The following RYR1 variants were observed in gnomAD, a reference collection of about 807,000 sequenced individuals.
RYR1 encodes the protein central core disease of muscle.
RYR1 carries 342 observed loss-of-function variants against 583.5 expected under a neutral mutation model. That is an observed-to-expected ratio of 0.59 (90% CI 0.54 to 0.64). The LOEUF (loss-of-function observed/expected upper bound fraction) is 0.64. Among genes scored for constraint, RYR1 ranks in the 30% least tolerant of loss-of-function variants. RYR1 has a pLI of 0.00. For synonymous variants in RYR1, 2,791 were observed against 2,822.5 expected (o/e 0.99, Z 0.35); for missense variants, 6,032 against 6,917.2 (o/e 0.87, Z 4.54).
At position 38,587,511 on chromosome 19, in the gene RYR1, T is replaced by C; in HGVS notation, c.*91T>C. The C allele has an allele frequency of 2.2e-6, 2 of 926,150 alleles. No homozygotes were observed. 57.4% of individuals were successfully genotyped at this position (926,150 alleles called of 1,614,324 possible). ...CCCAAGCCCCTCCCCCTAAGGCAGCTGGGGGAGAGGTGACCTAGTACTGGA... is the reference window on the plus strand; with the variant it reads ...CCCAAGCCCCTCCCCCTAAGGCAGCCGGGGGAGAGGTGACCTAGTACTGGA... On this transcript the variant is annotated 3_prime_UTR_variant, in exon 106 of 106. Transcript: ENST00000359596.
intron 9 of RYR1, 46 bp from the exon 10 acceptor site, chr19:38,448,309 A>G (rs776317375): frequency 1.3e-6 from 2 of 1,589,764 alleles, no homozygotes; most frequent in African/African-American, 2.7e-5. Context: ...TGTCCATGGG[A>G]GAACTGGGGG....
chr19:38,481,500 G>A (rs1489743393), intron 31 of RYR1, among the ~76,000 whole-genome samples: 1 of 152,122 alleles, frequency 6.6e-6, no homozygotes, highest in East Asian at 1.9e-4. Flanking sequence ...TTCATATGTA[G>A]ATTTCCCCCT....
In RYR1 at chr19:38,526,672, ACT is replaced by A; in HGVS notation, c.10627-318_10627-317del. Among the ~76,000 whole-genome samples the A allele has an allele frequency of 3.0e-5, 4 of 135,030 alleles. No homozygotes were observed. In the East Asian group the frequency reaches 8.8e-4, roughly 30 times the overall value. 88.6% of individuals were successfully genotyped at this position (135,030 alleles called of 152,430 possible). On this transcript the variant is annotated intron_variant, in intron 71 of 105. Coordinates refer to ENST00000359596, the MANE Select transcript of RYR1 (RefSeq NM_000540.3). Reference sequence around the variant, plus strand: ...CTGATCTTCAAAGACTCCCTGCCCCACTCTGACCCCCCAGTCATCCCTCTTTG... The same window carrying A: ...CTGATCTTCAAAGACTCCCTGCCCCACTGACCCCCCAGTCATCCCTCTTTG...
Position 38,502,822 on chromosome 19 carries a change from C to CAGGGGCAGGGGGAGGGGG in RYR1, c.7836-50_7836-49insGGGGAGGGGGAGGGGCAG. ...GCAGGGGCAGGGGGAGGAGCAGGGG[C>CAGGGGCAGGGGGAGGGGG]AGGGGCAGCAGAGCGGGCCTGGACG... On this transcript the variant is annotated intron_variant, in intron 48 of 105. Transcript: ENST00000359596. The CAGGGGCAGGGGGAGGGGG allele has an allele frequency of 4.7e-6, 7 of 1,475,070 alleles. 1 individual carries two copies. The South Asian group carries it at 8.8e-5, about 18-fold the overall frequency. The allele number at this position is 1,475,070 out of a possible 1,614,324, so 91.4% of individuals were successfully genotyped here.
Position 38,548,216 on chromosome 19 carries a change from C to T in RYR1, c.12095-17C>T. On this transcript the variant is annotated splice_polypyrimidine_tract_variant and intron_variant, in intron 88 of 105. Coordinates refer to ENST00000359596, the MANE Select transcript of RYR1 (RefSeq NM_000540.3). ...AGGGAGTGTTCACCGGCCACACTGA[C>T]CTGGGGCTGCCTGCAGGGAACGTGG... 1 of 1,613,988 alleles carries T rather than the reference C, an allele frequency of 6.2e-7. No individual in the cohort carries two copies. The highest frequency in any genetic ancestry group is 8.5e-7 in the Non-Finnish European group (1 of 1,179,996).
At position 38,517,366 on chromosome 19, in the gene RYR1, G is replaced by C. The variant is rs1424871562; in HGVS notation, c.9693G>C (p.Gly3231=). 2.5e-6 allele frequency: 4 copies of C among 1,613,478 alleles called. No individual in the cohort carries two copies. The East Asian group carries it at 6.7e-5, about 27-fold the overall frequency. Residue 3231 remains glycine, a synonymous_variant, in exon 66 of 106, where the codon GGG becomes GGC. Coordinates refer to ENST00000359596, the MANE Select transcript of RYR1 (RefSeq NM_000540.3). ...TKSPRERAIL[G]LPNSVEEMCP... ...CCCGTCCCTGTACCCCAGTCCTGGGGCTCCCCAACAGTGTGGAGGAGATGT... is the reference window on the plus strand; with the variant it reads ...CCCGTCCCTGTACCCCAGTCCTGGGCCTCCCCAACAGTGTGGAGGAGATGT...
intron 36 of RYR1, 23 bp downstream of exon 36, chr19:38,490,299 C>A: frequency 6.2e-7 from 1 of 1,605,896 alleles, no homozygotes; most frequent in Non-Finnish European, 8.5e-7. Flanking sequence ...CTGACGCTGG[C>A]CACTTTTACT....
chr19:38,438,475 G>T (rs1296235051), intron 1 of RYR1, among the ~76,000 whole-genome samples: 4 of 150,880 alleles, frequency 2.7e-5, no homozygotes, highest in Non-Finnish European at 5.9e-5. Flanking sequence ...CTGCAGCCTC[G>T]ATTTCCCAGG....
At chr19:38,587,209 C>T (rs1040391210) in intron 105 of RYR1, 116 bp from the exon 106 acceptor site, 15 of 728,554 alleles carry the variant, frequency 2.1e-5, no homozygotes, top group African/African-American at 1.1e-4. Context: ...CTGTGATTGT[C>T]GCCACTGCAC....
At chr19:38,528,270 T>A in intron 73 of RYR1, 36 bp from the exon 74 acceptor site, 6 of 1,529,548 alleles carry the variant, frequency 3.9e-6, no homozygotes, top group Non-Finnish European at 5.3e-6. Context: ...AGGGGCAGGG[T>A]CTGGGGATGT....
intron 73 of RYR1, 176 bp downstream of exon 73, chr19:38,527,960 C>T: frequency 1.5e-6 from 1 of 645,428 alleles, no homozygotes; most frequent in Non-Finnish European, 2.6e-6. Flanking sequence ...GGGTCTGCTG[C>T]TTAATCTTGC....
chr19:38,517,775 G>T, intron 66 of RYR1, 84 bp downstream of exon 66: 1 of 1,366,380 alleles, frequency 7.3e-7, no homozygotes, highest in Non-Finnish European at 1.0e-6. Flanking sequence ...GAGACCCATG[G>T]TCCCCTCGGA....
chr19:38,502,780 CAG>C, intron 48 of RYR1, 53 bp downstream of exon 48: 1 of 666,950 alleles, frequency 1.5e-6, no homozygotes, highest in East Asian at 3.4e-5. Context: ...GGGGCAGGGG[CAG>C]GGGCAGGGGC....
Position 38,446,727 on chromosome 19 carries a change from T to G in RYR1, c.759T>G (p.Thr253=), listed in dbSNP as rs754793726. 4 of 1,613,900 alleles carry G rather than the reference T, an allele frequency of 2.5e-6. No homozygotes were observed. The highest frequency in any genetic ancestry group is 3.4e-6 in the Non-Finnish European group (4 of 1,179,916). The change falls in exon 9 of 106, where the codon ACT becomes ACG. Residue 253 remains threonine (T), a synonymous_variant. Transcript: ENST00000359596. The stretch of plus-strand genomic sequence containing the variant: ...ACTATGAGGGGGGAGCTGTGTGCAC[T>G]CATGCCCGCTCCCTCTGGAGGCTGG... ...LVYYEGGAVC[T]HARSLWRLEP... is the part of the protein sequence containing the mutation.
chr19:38,556,317 ATAAAAACT>A (rs1031058531), intron 89 of RYR1, among the ~76,000 whole-genome samples: 45 of 151,966 alleles, frequency 3.0e-4, no homozygotes, highest in Non-Finnish European at 6.3e-4. Context: ...CCCTATCTCT[ATAAAAACT>A]TTAAAAAATA....
At chr19:38,542,045 G>A (rs558260441) in intron 84 of RYR1, among the ~76,000 whole-genome samples, 1 of 149,110 alleles carries the variant, frequency 6.7e-6, no homozygotes, top group Admixed American at 6.7e-5. Context: ...CTCCAACCTA[G>A]GCAACAGAGG....
chr19:38,455,374 G>A lies in RYR1; in HGVS notation c.1576+4G>A, dbSNP rs374299527. On this transcript the variant is annotated splice_donor_region_variant and intron_variant, in intron 14 of 105. Coordinates refer to ENST00000359596, the MANE Select transcript of RYR1 (RefSeq NM_000540.3). Reference sequence around the variant, plus strand: ...AATCTTCTCTATGAACTCCTAGGTAGGGGTCCCAGTCCTGACTCCCCTGAG... The same window carrying A: ...AATCTTCTCTATGAACTCCTAGGTAAGGGTCCCAGTCCTGACTCCCCTGAG... The A allele has an allele frequency of 5.6e-6, 9 of 1,613,942 alleles. No individual in the cohort carries two copies. In the African/African-American group the frequency reaches 8.0e-5, roughly 14 times the overall value.
At chr19:38,448,147 C>T (rs77893602) in intron 9 of RYR1, among the ~76,000 whole-genome samples, 4,687 of 151,182 alleles carry the variant, frequency 0.031, 92 homozygotes, top group African/African-American at 0.049. Flanking sequence ...ACTATAGTGT[C>T]CAGGCCGGGT....
intron 3 of RYR1, among the ~76,000 whole-genome samples, chr19:38,442,935 G>C (rs966960875): frequency 3.9e-5 from 6 of 152,152 alleles, no homozygotes; most frequent in Admixed American, 6.5e-5. Flanking sequence ...TCCAGGAGTG[G>C]GTCCACCATG....
Sources: gnomAD v4.1 joint callset for allele counts (sites outside exome capture counted in the v4.1 genomes callset) on GRCh38, gnomAD v4.1.1 for gene constraint, MANE v1.5 for transcripts, NCBI Gene and HGNC (gene_info 2026-07-23, HGNC 2026-07-21) for gene names.